The following IL1RAPL1 variants were observed in gnomAD, a reference collection of about 807,000 sequenced individuals.
IL1RAPL1 encodes interleukin 1 receptor accessory protein like 1, also known as interleukin-1 receptor accessory protein-like 1.
IL1RAPL1 carries 3 observed loss-of-function variants against 48.4 expected under a neutral mutation model. The ratio of observed to expected loss-of-function variants is 0.06; its 90% CI spans 0.03 to 0.16. The LOEUF is 0.16. Among genes scored for constraint, IL1RAPL1 ranks in the 10% least tolerant of loss-of-function variants. The probability of loss-of-function intolerance (pLI) is 1.00; values close to 1 mark genes in which losing one functional copy is unlikely to be tolerated. For synonymous variants in IL1RAPL1, 185 were observed against 187.7 expected (o/e 0.99, Z 0.12); for missense variants, 349 against 530.6 (o/e 0.66, Z 3.36).
At chrX:29,680,824 T>C (rs1479739386) in intron 6 of IL1RAPL1, among the ~76,000 whole-genome samples, 2 of 111,577 alleles carry the variant, frequency 1.8e-5, no homozygotes, top group Admixed American at 1.9e-4. Context: ...AATACTGACA[T>C]CCTTTCCTGT....
intron 6 of IL1RAPL1, among the ~76,000 whole-genome samples, chrX:29,911,350 G>A (rs150305171): frequency 0.031 from 3,480 of 111,397 alleles, 63 homozygotes; most frequent in African/African-American, 0.066. Context: ...GCTGCCACTT[G>A]GTACAGGGTT....
chrX:28,667,983 A>G (rs1299125735), intron 1 of IL1RAPL1, among the ~76,000 whole-genome samples: 1 of 111,902 alleles, frequency 8.9e-6, no homozygotes, highest in African/African-American at 3.3e-5. Flanking sequence ...GGACACAAAC[A>G]TTCAGTCCAT....
At chrX:29,051,124 C>T (rs768949900) in intron 2 of IL1RAPL1, among the ~76,000 whole-genome samples, 1 of 111,886 alleles carries the variant, frequency 8.9e-6, no homozygotes, top group South Asian at 3.7e-4. Context: ...ATTTCTACAC[C>T]AATAGCATTA....
chrX:29,380,384 C>A (rs751975031), intron 3 of IL1RAPL1, among the ~76,000 whole-genome samples: 1 of 111,821 alleles, frequency 8.9e-6, no homozygotes, highest in African/African-American at 3.2e-5. Context: ...TGCGTCACCA[C>A]GCCCTGCTAA....
At chrX:29,091,311 A>C (rs1296340073) in intron 2 of IL1RAPL1, among the ~76,000 whole-genome samples, 1 of 111,767 alleles carries the variant, frequency 8.9e-6, no homozygotes, top group Non-Finnish European at 1.9e-5. Flanking sequence ...GTGGACTAGT[A>C]GTTGTCATAC....
intron 2 of IL1RAPL1, among the ~76,000 whole-genome samples, chrX:29,252,232 T>A (rs112782384): frequency 0.048 from 5,156 of 108,323 alleles, 300 homozygotes; most frequent in African/African-American, 0.18. Context: ...AACCTGCACA[T>A]TGTGCACATG....
intron 1 of IL1RAPL1, among the ~76,000 whole-genome samples, chrX:28,609,797 A>C (rs1438544771): frequency 1.8e-5 from 2 of 110,377 alleles, no homozygotes; most frequent in Non-Finnish European, 3.8e-5. Flanking sequence ...TGTGTTATCC[A>C]ATAACCCTCC....
Position 28,768,747 on chromosome X carries a change from C to A in IL1RAPL1, c.-24-20573C>A, listed in dbSNP as rs866949624. Among the ~76,000 whole-genome samples, 65 of 70,836 alleles carry A rather than the reference C, an allele frequency of 9.2e-4. 1 individual carries two copies. Among genetic ancestry groups the A allele is most frequent in the African/African-American group, 2.6e-3 (46 of 17,588 alleles). The allele number at this position is 70,836 out of a possible 115,157, so 61.5% of individuals were successfully genotyped here. A position where few individuals can be genotyped will look rare whatever the true frequency, so the allele number is the denominator to read the frequency against. On this transcript the variant is annotated intron_variant, in intron 1 of 10. Transcript: ENST00000378993. ...TCTCTCTGTCTCTCTCTCTCTCTCT[C>A]TCTCTCTCTATATATATATATATAT...
At chrX:29,172,723 G>C (rs1228742500) in intron 2 of IL1RAPL1, among the ~76,000 whole-genome samples, 2 of 111,715 alleles carry the variant, frequency 1.8e-5, no homozygotes, top group Non-Finnish European at 3.8e-5. Flanking sequence ...CATCAGATAG[G>C]TCTAATGAAG....
chrX:28,653,365 C>A (rs1372850994), intron 1 of IL1RAPL1, among the ~76,000 whole-genome samples: 1 of 110,324 alleles, frequency 9.1e-6, no homozygotes, highest in Non-Finnish European at 1.9e-5. Flanking sequence ...ATCCCAGCTA[C>A]TTGGGAGGCT....
chrX:29,805,301 T>C (rs1374374438), intron 6 of IL1RAPL1, among the ~76,000 whole-genome samples: 1 of 111,314 alleles, frequency 9.0e-6, no homozygotes, highest in Non-Finnish European at 1.9e-5. Context: ...AAAGGAAATA[T>C]TAAACATTTT....
chrX:29,929,089 A>T (rs1932917227), intron 8 of IL1RAPL1, among the ~76,000 whole-genome samples: 1 of 112,037 alleles, frequency 8.9e-6, no homozygotes. Flanking sequence ...TTAAAAGTGG[A>T]TATTAAAATG....
chrX:29,067,995 A>G (rs757358576), intron 2 of IL1RAPL1, among the ~76,000 whole-genome samples: 156 of 111,942 alleles, frequency 1.4e-3, no homozygotes, highest in Non-Finnish European at 2.0e-3. Context: ...AATGGTCCTT[A>G]TATTCATTGG....
At chrX:29,434,984 T>C (rs1184350717) in intron 5 of IL1RAPL1, among the ~76,000 whole-genome samples, 6 of 111,168 alleles carry the variant, frequency 5.4e-5, no homozygotes, top group Non-Finnish European at 9.5e-5. Context: ...TTCTACCTCC[T>C]GCCCTATTTC....
intron 2 of IL1RAPL1, among the ~76,000 whole-genome samples, chrX:28,838,980 A>G (rs1378527625): frequency 9.0e-6 from 1 of 111,238 alleles, no homozygotes; most frequent in Non-Finnish European, 1.9e-5. Context: ...TCATGTCTCC[A>G]GCTCCTATGG....
intron 3 of IL1RAPL1, among the ~76,000 whole-genome samples, chrX:29,332,095 CTTTTTTTTTTTTTT>C (rs72360733): frequency 2.2e-4 from 6 of 27,887 alleles, no homozygotes; most frequent in Non-Finnish European, 3.3e-4. Flanking sequence ...ATTCTAAGGT[CTTTTTTTTTTTTTT>C]TTTTTTTTTT....
At position 29,010,401 on chromosome X, in the gene IL1RAPL1, T is replaced by G. The variant is rs941006599; in HGVS notation, c.82+220976T>G. Among the ~76,000 whole-genome samples, 4 of 111,732 alleles carry G rather than the reference T, an allele frequency of 3.6e-5. No individual in the cohort carries two copies. The East Asian group carries it at 1.1e-3, about 31-fold the overall frequency. On this transcript the variant is annotated intron_variant, in intron 2 of 10. Coordinates refer to ENST00000378993, the MANE Select transcript of IL1RAPL1 (RefSeq NM_014271.4). ...TAGGTTTGTCATAGATGTCTCATTA[T>G]TTTGAAGTATGTTCCTTTGATGCCT... is the stretch of plus-strand genomic sequence containing the variant.
At chrX:29,054,555 A>C (rs1927169876) in intron 2 of IL1RAPL1, among the ~76,000 whole-genome samples, 1 of 111,744 alleles carries the variant, frequency 8.9e-6, no homozygotes, top group South Asian at 3.9e-4. Context: ...TATGGGCTCC[A>C]CCAAGAAGGT....
At chrX:28,869,375 C>T (rs1256435730) in intron 2 of IL1RAPL1, among the ~76,000 whole-genome samples, 1 of 111,777 alleles carries the variant, frequency 8.9e-6, no homozygotes, top group African/African-American at 3.2e-5. Flanking sequence ...CAACTAAAGG[C>T]CCTCATTTAT....
Sources: gnomAD v4.1 joint callset for allele counts (sites outside exome capture counted in the v4.1 genomes callset) on GRCh38, gnomAD v4.1.1 for gene constraint, MANE v1.5 for transcripts, NCBI Gene and HGNC (gene_info 2026-07-23, HGNC 2026-07-21) for gene names.